Variants in RPF1 observed in about 807,000 individuals in gnomAD.
The protein encoded by RPF1 is ribosome production factor 1 homolog, also known as ribosome production factor 1.
In RPF1, 34 loss-of-function variants were observed where a neutral mutation model predicts 41.9. The observed-to-expected ratio is 0.81, with a 90% confidence interval of 0.62 to 1.08. The LOEUF (loss-of-function observed/expected upper bound fraction) is 1.08. RPF1 is among the 50% of genes least tolerant of loss of function. The pLI is 0.00. For synonymous variants in RPF1, 140 were observed against 148.9 expected, an observed-to-expected ratio of 0.94 and a Z score of 0.43; for missense variants, 425 against 435.2, an observed-to-expected ratio of 0.98 and a Z score of 0.21.
chr1:84,483,678 T>G (rs532860367), intron 3 of RPF1, among the ~76,000 whole-genome samples: 1 of 152,326 alleles, frequency 6.6e-6, no homozygotes, highest in African/African-American at 2.4e-5. Flanking sequence ...TAAATCTTAG[T>G]TTCAAGATAA....
At chr1:84,497,199 A>G in intron 8 of RPF1, among the ~76,000 whole-genome samples, 2 of 150,658 alleles carry the variant, frequency 1.3e-5, no homozygotes, top group Non-Finnish European at 3.0e-5. Flanking sequence ...TAGTATAAGC[A>G]GTACTTCACT....
In RPF1 at chr1:84,489,530, G is replaced by C. The variant is rs1048377177; in HGVS notation, c.367-103G>C. 17 of 687,144 alleles carry C rather than the reference G, an allele frequency of 2.5e-5. No individual in the cohort carries two copies. In the African/African-American group the frequency reaches 2.8e-4, roughly 11 times the overall value. 42.6% of individuals were successfully genotyped at this position (687,144 alleles called of 1,614,324 possible). On this transcript the variant is annotated intron_variant, in intron 3 of 8. Coordinates refer to ENST00000370654, the MANE Select transcript of RPF1 (RefSeq NM_025065.7). Reference sequence around the variant, plus strand: ...TAGTCTGTCTTTAAAGCCCCTATCAGCTAGATACTCAGTGTCCAACAGTCC... The same window carrying C: ...TAGTCTGTCTTTAAAGCCCCTATCACCTAGATACTCAGTGTCCAACAGTCC...
chr1:84,487,236 T>C (rs1173325702), intron 3 of RPF1, among the ~76,000 whole-genome samples: 1 of 152,214 alleles, frequency 6.6e-6, no homozygotes, highest in Non-Finnish European at 1.5e-5. Context: ...TTTTTCAAAG[T>C]AGTGGTTGTA....
chr1:84,489,513 C>A (rs1285044293), intron 3 of RPF1, 120 bp from the exon 4 acceptor site: 1 of 647,214 alleles, frequency 1.5e-6, no homozygotes, highest in East Asian at 2.7e-5. Context: ...CCTAGTCTGT[C>A]TTTAAAGCCC....
chr1:84,490,049 C>T (rs902914822), intron 4 of RPF1, among the ~76,000 whole-genome samples: 1 of 152,150 alleles, frequency 6.6e-6, no homozygotes, highest in Non-Finnish European at 1.5e-5. Context: ...ACACCACTAC[C>T]ACTACCATCA....
chr1:84,492,231 T>C (rs983646029), intron 5 of RPF1, among the ~76,000 whole-genome samples: 19 of 151,624 alleles, frequency 1.3e-4, no homozygotes, highest in African/African-American at 4.6e-4. Flanking sequence ...CTCCTAATGG[T>C]GACACATGGG....
rs1681646358 is a variant in RPF1 at position 84,481,538 on chromosome 1, T to C, written c.285+526T>C. On this transcript the variant is annotated intron_variant, in intron 2 of 8. Coordinates refer to ENST00000370654, the MANE Select transcript of RPF1 (RefSeq NM_025065.7). ...AGGGTGTGTTAAGCTTTAGAGCTGG[T>C]ACAGAGGATATGAACCTGTGAAAAG... is the stretch of plus-strand genomic sequence containing the variant. Among the ~76,000 whole-genome samples the C allele has an allele frequency of 2.6e-5, 4 of 152,108 alleles. No individual in the cohort carries two copies. In the South Asian group the frequency reaches 8.3e-4, roughly 32 times the overall value.
intron 6 of RPF1, 140 bp from the exon 7 acceptor site, chr1:84,495,742 A>G (rs1005645785): frequency 1.7e-6 from 1 of 587,018 alleles, no homozygotes; most frequent in African/African-American, 1.9e-5. Context: ...CATGGGTTTG[A>G]TAAGCCATCT....
chr1:84,488,007 G>T (rs1385058617), intron 3 of RPF1, among the ~76,000 whole-genome samples: 1 of 151,874 alleles, frequency 6.6e-6, no homozygotes, highest in Non-Finnish European at 1.5e-5. Flanking sequence ...TATATGCTTG[G>T]TCTTTTTCTG....
At chr1:84,496,986 C>T (rs968367645) in intron 8 of RPF1, among the ~76,000 whole-genome samples, 2 of 152,006 alleles carry the variant, frequency 1.3e-5, no homozygotes, top group Non-Finnish European at 2.9e-5. Flanking sequence ...ATTCTCCTGC[C>T]TCAGCCTCCC....
intron 8 of RPF1, among the ~76,000 whole-genome samples, chr1:84,496,662 C>T (rs1398177120): frequency 6.6e-6 from 1 of 151,816 alleles, no homozygotes; most frequent in Non-Finnish European, 1.5e-5. Flanking sequence ...GCGAGACCAG[C>T]ACCATTACCT....
chr1:84,481,091 T>G, intron 2 of RPF1, 79 bp downstream of exon 2: 1 of 784,434 alleles, frequency 1.3e-6, no homozygotes, highest in South Asian at 1.7e-5. Context: ...ATTACTTTCT[T>G]TTAAAATTTA....
intron 3 of RPF1, among the ~76,000 whole-genome samples, chr1:84,483,937 G>C (rs1382622895): frequency 1.3e-5 from 2 of 152,092 alleles, no homozygotes; most frequent in African/African-American, 4.8e-5. Flanking sequence ...TTAGGGATTT[G>C]AGATCCATCA....
chr1:84,495,350 T>A, intron 5 of RPF1, 23 bp from the exon 6 acceptor site: 1 of 1,151,116 alleles, frequency 8.7e-7, no homozygotes, highest in Non-Finnish European at 1.3e-6. Context: ...GTTCAATGTG[T>A]TTTTCTTAAC....
intron 3 of RPF1, among the ~76,000 whole-genome samples, chr1:84,488,373 G>A (rs560577411): frequency 6.6e-6 from 1 of 152,226 alleles, no homozygotes; most frequent in Non-Finnish European, 1.5e-5. Flanking sequence ...TAAACTGCAT[G>A]TCTTTGAAAA....
At position 84,496,371 on chromosome 1, in the gene RPF1, G is replaced by T. The variant is rs768621207; in HGVS notation, c.1008+1G>T. On this transcript the variant is annotated splice_donor_variant, in intron 8 of 8. Coordinates refer to ENST00000370654, the MANE Select transcript of RPF1 (RefSeq NM_025065.7). LOFTEE classifies it high-confidence loss of function. ...TGGAGAGTATGAATGGGTCCATAAG[G>T]TATGTGCTTATTGTTTAAAAAGACT... 1.3e-6 allele frequency: 2 copies of T among 1,596,894 alleles called. No individual in the cohort carries two copies. Among genetic ancestry groups the T allele is most frequent in the South Asian group, 2.3e-5 (2 of 87,962 alleles).
chr1:84,482,423 C>T (rs1911157), intron 2 of RPF1, among the ~76,000 whole-genome samples: 2,665 of 152,188 alleles, frequency 0.018, 70 homozygotes, highest in African/African-American at 0.059. Flanking sequence ...TGTATTTCTT[C>T]GTTCAAATTT....
At chr1:84,483,285 G>A (rs1474246892) in intron 3 of RPF1, 3 of 346,434 alleles carry the variant, frequency 8.7e-6, no homozygotes, top group African/African-American at 6.4e-5. Context: ...TGATTTTGTT[G>A]AGACAGAGTC....
intron 1 of RPF1, 133 bp from the exon 2 acceptor site, chr1:84,480,823 A>G (rs926574884): frequency 3.8e-6 from 2 of 520,728 alleles, no homozygotes; most frequent in African/African-American, 3.9e-5. Context: ...CCACGTCCAG[A>G]TGCTTATTTC....
Sources: gnomAD v4.1 joint callset for allele counts (sites outside exome capture counted in the v4.1 genomes callset) on GRCh38, gnomAD v4.1.1 for gene constraint, MANE v1.5 for transcripts, NCBI Gene and HGNC (gene_info 2026-07-23, HGNC 2026-07-21) for gene names.